TRPM2: variants seen among roughly 807,000 people sequenced by gnomAD.
TRPM2 encodes estrogen-responsive element-associated gene 1 protein.
In TRPM2, 161 loss-of-function variants were observed where a neutral mutation model predicts 174.0. The observed-to-expected ratio is 0.93, with a 90% CI of 0.81 to 1.05. TRPM2 has a LOEUF of 1.05. TRPM2 is among the 50% of genes least tolerant of loss of function. The pLI, the probability that TRPM2 is intolerant of heterozygous loss-of-function variation, is 0.00. For synonymous variants in TRPM2, 954 were observed against 861.3 expected, an observed-to-expected ratio of 1.11 and a Z score of -1.88; for missense variants, 2,057 against 2,038.0, an observed-to-expected ratio of 1.01 and a Z score of -0.18.
chr21:44,390,270 G>A (rs114729134), intron 9 of TRPM2, among the ~76,000 whole-genome samples: 2,315 of 152,184 alleles, frequency 0.015, 56 homozygotes, highest in African/African-American at 0.053. Flanking sequence ...GTTTTCTGAC[G>A]GCAGTTTTGT....
Position 44,376,040 on chromosome 21 carries a change from T to C in TRPM2, c.952+27T>C, listed in dbSNP as rs2048689779. 6 of 1,606,408 alleles carry C rather than the reference T, an allele frequency of 3.7e-6. No individual in the cohort carries two copies. The highest frequency in any genetic ancestry group is 5.1e-6 in the Non-Finnish European group (6 of 1,174,618). On this transcript the variant is annotated intron_variant, in intron 6 of 31. Coordinates refer to ENST00000397928, the MANE Select transcript of TRPM2 (RefSeq NM_003307.4). This position sits in a 1 kb window ranked among gnomAD's most constrained non-coding sequence, Gnocchi z 4.2. ...TAGGGGAGCTTGCTTTCGAGGGTGA[T>C]TGGGCAGAGAGCACAGTGGGCTGGT...
chr21:44,435,191 C>A lies in TRPM2; in HGVS notation c.4035C>A (p.Asn1345Lys), dbSNP rs1488727741. The change falls in exon 28 of 32, where the codon AAC (asparagine) becomes AAA (lysine). Residue 1345 changes from asparagine (N) to lysine (K), a missense_variant. By Grantham distance (94) the Asn-to-Lys change is moderately conservative. Transcript: ENST00000397928. ...GGAGCCTCAGCTGCTTCGGACCCAA[C>A]CACACGCTGTACCCCATGGTCACGC... ...GRGSLSCFGP[N>K]HTLYPMVTRW... is the part of the protein sequence containing the mutation. The A allele has an allele frequency of 3.1e-6, 5 of 1,613,410 alleles. No individual in the cohort carries two copies. The highest frequency in any genetic ancestry group is 2.5e-6 in the Non-Finnish European group (3 of 1,179,582).
intron 2 of TRPM2, among the ~76,000 whole-genome samples, chr21:44,356,437 A>G (rs1347689741): frequency 6.6e-6 from 1 of 151,884 alleles, no homozygotes; most frequent in Non-Finnish European, 1.5e-5. Context: ...GAGCGAGTCC[A>G]CAGAGTAAAG....
chr21:44,354,746 G>A lies in TRPM2; in HGVS notation c.254+10G>A, dbSNP rs199640840. 52 of 1,613,262 alleles carry A rather than the reference G, an allele frequency of 3.2e-5. No homozygotes were observed. The highest frequency in any genetic ancestry group is 5.0e-5 in the Admixed American group (3 of 60,026). ...AACTGTCTGATGCTGGGTAAGTGAC[G>A]TGATTTGTGTGTAAGACCTCTGACT... On this transcript the variant is annotated intron_variant, in intron 2 of 31. Transcript: ENST00000397928. The surrounding 1 kb of genome is among the most constrained non-coding windows in gnomAD (Gnocchi z 4.3).
chr21:44,439,144 A>G lies in TRPM2; in HGVS notation c.4245A>G (p.Glu1415=), dbSNP rs75216734. Residue 1415 remains glutamate (E), a synonymous_variant, in exon 30 of 32, where the codon GAA becomes GAG. Transcript: ENST00000397928. The surrounding 1 kb of genome is among the most constrained non-coding windows in gnomAD (Gnocchi z 5.1). The part of the protein sequence containing the change: ...ILRQEHWPSF[E]NLLKCGMEVY... Reference sequence around the variant, plus strand: ...GGCAGGAGCACTGGCCGTCTTTTGAAAACTTGCTGAAGTGCGGCATGGAGG... The same window carrying G: ...GGCAGGAGCACTGGCCGTCTTTTGAGAACTTGCTGAAGTGCGGCATGGAGG... The G allele has an allele frequency of 1.8e-3, 2,873 of 1,613,580 alleles. 65 individuals are homozygous for G. In the African/African-American group the frequency reaches 0.034, roughly 19 times the overall value.
rs561585502 is a variant in TRPM2, at chr21:44,355,558, C to T, written c.254+822C>T. On this transcript the variant is annotated intron_variant, in intron 2 of 31. Coordinates refer to ENST00000397928, the MANE Select transcript of TRPM2 (RefSeq NM_003307.4). ...GAAGTGAGCTTCCCTCCTACCGCAC[C>T]GTGTGTTTCTCTTTGATCCCAGCTG... Among the ~76,000 whole-genome samples the T allele has an allele frequency of 9.2e-5, 14 of 152,298 alleles. No individual in the cohort carries two copies. The East Asian group carries it at 1.7e-3, about 19-fold the overall frequency.
rs750639916 is a variant in TRPM2 at position 44,405,217 on chromosome 21, G to A, written c.2614G>A (p.Asp872Asn). The A allele has an allele frequency of 1.2e-6, 2 of 1,613,430 alleles. No homozygotes were observed. The highest frequency in any genetic ancestry group is 2.2e-5 in the South Asian group (2 of 91,088). ...LYFSDFWNKL[D>N]VGAILLFVAG... ...CTTCAGTGACTTCTGGAATAAGCTG[G>A]ACGTCGGCGCAATCTTGCTCTTCGT... Residue 872 changes from aspartate to asparagine, a missense_variant, in exon 17 of 32, where the codon GAC (aspartate) becomes AAC (asparagine). Coordinates refer to ENST00000397928, the MANE Select transcript of TRPM2 (RefSeq NM_003307.4).
chr21:44,353,252 G>A (rs1020339320), upstream of TRPM2: 2 of 155,276 alleles, frequency 1.3e-5, no homozygotes, highest in Admixed American at 1.3e-4. Context: ...CTGGAAGCAG[G>A]AGCTGTGCAG....
chr21:44,365,496 C>T (rs1292513716), intron 3 of TRPM2, among the ~76,000 whole-genome samples: 3 of 152,186 alleles, frequency 2.0e-5, no homozygotes, highest in Non-Finnish European at 2.9e-5. Context: ...TCTCCAGGCC[C>T]CTGGACCCCT....
Position 44,437,793 on chromosome 21 carries a change from G to A in TRPM2, c.4167+626G>A, listed in dbSNP as rs565525980. The stretch of plus-strand genomic sequence containing the variant: ...CTCCAACAGCTCCTGTTTCCTCCCA[G>A]GCCAGCCTGGCCTCCGCAGCCCTCC... On this transcript the variant is annotated intron_variant, in intron 29 of 31. Coordinates refer to ENST00000397928, the MANE Select transcript of TRPM2 (RefSeq NM_003307.4). Among the ~76,000 whole-genome samples the A allele has an allele frequency of 5.9e-5, 9 of 152,340 alleles. 2 individuals are homozygous for A. The highest frequency in any genetic ancestry group is 1.4e-4 in the African/African-American group (6 of 41,578).
rs1051731977 is a variant in TRPM2, at chr21:44,438,772, G to A, written c.4168-295G>A. On this transcript the variant is annotated intron_variant, in intron 29 of 31. Coordinates refer to ENST00000397928, the MANE Select transcript of TRPM2 (RefSeq NM_003307.4). The surrounding 1 kb of genome is among the most constrained non-coding windows in gnomAD (Gnocchi z 5.9). ...CAGGGGAGCGGGAAGGGGGTGCCCTGTCACCCTTGGGGAGTCTGAGCTCAG... is the reference window on the plus strand; with the variant it reads ...CAGGGGAGCGGGAAGGGGGTGCCCTATCACCCTTGGGGAGTCTGAGCTCAG... 1.9e-4 allele frequency among the ~76,000 whole-genome samples: 29 copies of A among 152,292 alleles called. No individual in the cohort carries two copies. Among genetic ancestry groups the A allele is most frequent in the Middle Eastern group, 3.4e-3 (1 of 294 alleles).
In TRPM2 at chr21:44,402,026, G is replaced by A. The variant is rs531938078; in HGVS notation, c.2538+129G>A. ...AGCTCCCTGCAAGCTGAGCAGAGCCGGTGTTTCCTCCCCAAAATGGGTGGC... is the reference window on the plus strand; with the variant it reads ...AGCTCCCTGCAAGCTGAGCAGAGCCAGTGTTTCCTCCCCAAAATGGGTGGC... On this transcript the variant is annotated intron_variant, in intron 16 of 31. Transcript: ENST00000397928. 376 of 1,084,534 alleles carry A rather than the reference G, an allele frequency of 3.5e-4. 11 individuals carry two copies. The South Asian group carries it at 4.8e-3, about 14-fold the overall frequency. The allele number at this position is 1,084,534 out of a possible 1,614,324, so 67.2% of individuals were successfully genotyped here. A position where few individuals can be genotyped will look rare whatever the true frequency, so the allele number is the denominator to read the frequency against.
chr21:44,420,961 C>T (rs890437959), intron 22 of TRPM2, among the ~76,000 whole-genome samples: 1 of 152,168 alleles, frequency 6.6e-6, no homozygotes, highest in African/African-American at 2.4e-5. Context: ...AGCGGTGTGG[C>T]CTGGAATGCA....
rs879111071 is a variant in TRPM2 at position 44,401,626 on chromosome 21, G to T, written c.2322-55G>T. Reference sequence around the variant, plus strand: ...TCACGGGGTGGCCAAAGCCTGTGGAGGTCAGGACCCTGGCCCTGGTGGTCA... The same window carrying T: ...TCACGGGGTGGCCAAAGCCTGTGGATGTCAGGACCCTGGCCCTGGTGGTCA... On this transcript the variant is annotated intron_variant, in intron 15 of 31. Transcript: ENST00000397928. The T allele has an allele frequency of 1.1e-4, 176 of 1,582,552 alleles. 1 individual carries two copies. Among genetic ancestry groups the T allele is most frequent in the Middle Eastern group, 8.5e-4 (5 of 5,848 alleles).
chr21:44,435,099 C>T (rs1462469968), intron 27 of TRPM2, 32 bp from the exon 28 acceptor site: 14 of 1,599,878 alleles, frequency 8.8e-6, no homozygotes, highest in Middle Eastern at 1.7e-4. Flanking sequence ...CATTGGTGGA[C>T]GGTGGACTGA....
chr21:44,415,671 T>C (rs765456236), intron 20 of TRPM2: 3 of 152,190 alleles, frequency 2.0e-5, no homozygotes, highest in Non-Finnish European at 4.4e-5. Context: ...TTCTTCTCTT[T>C]GAAAATGTCT....
In TRPM2 at chr21:44,391,696, G is replaced by T. The variant is rs545699125; in HGVS notation, c.1794+71G>T. On this transcript the variant is annotated intron_variant, in intron 11 of 31. Transcript: ENST00000397928. This position sits in a 1 kb window ranked among gnomAD's most constrained non-coding sequence, Gnocchi z 5.0. The stretch of plus-strand genomic sequence containing the variant: ...TACTGCTATGTTCTTAGAGCTCTCT[G>T]TTTTTAAAATTAGCTTTTATTTTTA... 7.4e-7 allele frequency: 1 copy of T among 1,343,878 alleles called. No individual in the cohort carries two copies. Among genetic ancestry groups the T allele is most frequent in the East Asian group, 2.4e-5 (1 of 40,832 alleles). 83.2% of individuals were successfully genotyped at this position (1,343,878 alleles called of 1,614,324 possible).
At chr21:44,365,120 G>A (rs1201751993) in intron 3 of TRPM2, among the ~76,000 whole-genome samples, 1 of 150,976 alleles carries the variant, frequency 6.6e-6, no homozygotes, top group East Asian at 1.9e-4. Flanking sequence ...GTGTTGACCA[G>A]CCTTCTGGAG....
At chr21:44,382,209 C>T (rs547166452) in intron 8 of TRPM2, among the ~76,000 whole-genome samples, 1 of 151,728 alleles carries the variant, frequency 6.6e-6, no homozygotes, top group East Asian at 1.9e-4. Flanking sequence ...ATGAAACACA[C>T]ACATGGATGG....
Sources: gnomAD v4.1 joint callset for allele counts (sites outside exome capture counted in the v4.1 genomes callset) on GRCh38, gnomAD v4.1.1 for gene constraint, Gnocchi (gnomAD v3.1) non-coding constraint, MANE v1.5 for transcripts, NCBI Gene and HGNC (gene_info 2026-07-23, HGNC 2026-07-21) for gene names.